Variants in RRP12 observed in about 807,000 individuals in gnomAD.
RRP12 encodes RRP12-like protein.
Under a neutral mutation model 157.3 loss-of-function variants are expected in RRP12, and 78 were observed. That is an observed-to-expected ratio of 0.50 (90% CI 0.41 to 0.60). The LOEUF (loss-of-function observed/expected upper bound fraction) is 0.60, where lower values mean the gene tolerates loss of function less well. Ranked by LOEUF, RRP12 falls within the 20% of genes least tolerant of loss-of-function variation. RRP12 has a pLI of 0.00. For synonymous variants in RRP12, 726 were observed against 670.9 expected, an observed-to-expected ratio of 1.08 and a Z score of -1.27; for missense variants, 1,521 against 1,679.9, an observed-to-expected ratio of 0.91 and a Z score of 1.65.
chr10:97,379,863 G>T, intron 13 of RRP12, 93 bp from the exon 14 acceptor site: 1 of 1,329,994 alleles, frequency 7.5e-7, no homozygotes, highest in Non-Finnish European at 1.0e-6. Flanking sequence ...GGAATTCTGG[G>T]CCTGGGTTCA....
chr10:97,377,675 T>C (rs1251510257), intron 15 of RRP12, among the ~76,000 whole-genome samples: 1 of 151,730 alleles, frequency 6.6e-6, no homozygotes, highest in African/African-American at 2.4e-5. Flanking sequence ...TGAAACCCCA[T>C]CTATACTAAA....
chr10:97,377,433 G>C (rs1844340109), intron 15 of RRP12, among the ~76,000 whole-genome samples: 1 of 152,158 alleles, frequency 6.6e-6, no homozygotes, highest in Admixed American at 6.5e-5. Context: ...GGAGGCTAAG[G>C]CAGGAGAATC....
Position 97,366,164 on chromosome 10 carries a change from A to G in RRP12, c.3461T>C (p.Leu1154Pro), listed in dbSNP as rs1564749573. 1 of 1,609,072 alleles carries G rather than the reference A, an allele frequency of 6.2e-7. No individual in the cohort carries two copies. The highest frequency in any genetic ancestry group is 1.3e-5 in the African/African-American group (1 of 74,660). ...HGFKVSADGR[L>P]IIREEADGNK... ...GCCGTCTGCCTCCTCCCTTATGATC[A>G]GCCGGCCATCGGCGCTCACCTTGAA... is the stretch of plus-strand genomic sequence containing the variant. The change falls in exon 29 of 34, where the codon CTG (leucine) becomes CCG (proline). Residue 1154 changes from leucine (L) to proline (P), a missense_variant. Leu to Pro is a moderately conservative substitution (Grantham distance 98). Coordinates refer to ENST00000370992, the MANE Select transcript of RRP12 (RefSeq NM_015179.4).
chr10:97,389,201 C>T (rs1177178396), intron 6 of RRP12, among the ~76,000 whole-genome samples: 1 of 152,148 alleles, frequency 6.6e-6, no homozygotes, highest in Non-Finnish European at 1.5e-5. Flanking sequence ...TCACGCCATT[C>T]TCCTGCCTCC....
In RRP12 at chr10:97,357,109, C is replaced by T; in HGVS notation, c.3879G>A (p.Lys1293=). The T allele has an allele frequency of 6.2e-7, 1 of 1,612,380 alleles. No homozygotes were observed. Among genetic ancestry groups the T allele is most frequent in the Non-Finnish European group, 8.5e-7 (1 of 1,178,556 alleles). ...GSQVGHKNRR[K]DRRP is the part of the protein sequence containing the mutation. The stretch of plus-strand genomic sequence containing the variant: ...GCCCTGGGCCTCAGGGTCGACGATC[C>T]TTTCTGCGGTTTTTGTGTCCCACCT... The change falls in exon 34 of 34, where the codon AAG becomes AAA. Residue 1293 remains lysine (K), a synonymous_variant. Transcript: ENST00000370992.
intron 31 of RRP12, among the ~76,000 whole-genome samples, chr10:97,359,324 T>TCAGC (rs751709532): frequency 2.6e-5 from 4 of 152,168 alleles, no homozygotes; most frequent in East Asian, 1.9e-4. Context: ...CAGACAGAAT[T>TCAGC]CAGCCAGCCA....
rs1844205129 is a variant in RRP12 at position 97,373,106 on chromosome 10, T to C, written c.2121A>G (p.Pro707=). 18 of 1,614,120 alleles carry C rather than the reference T, an allele frequency of 1.1e-5. No homozygotes were observed. The highest frequency in any genetic ancestry group is 1.4e-5 in the Non-Finnish European group (17 of 1,179,990). The change falls in exon 18 of 34, where the codon CCA becomes CCG. Residue 707 remains proline, a synonymous_variant. Coordinates refer to ENST00000370992, the MANE Select transcript of RRP12 (RefSeq NM_015179.4). The part of the protein sequence containing the change: ...YGQPVAAGDT[P]APRRAVLETI... ...TTTCCAGCACAGCCCGGCGAGGGGC[T>C]GGAGTGTCCCCGGCTGCCACGGGCT...
At chr10:97,365,782 AGAGGAAGGAAG>A in intron 29 of RRP12, 1 of 246,992 alleles carries the variant, frequency 4.0e-6, no homozygotes, top group Non-Finnish European at 7.8e-6. Flanking sequence ...AAAAAAAAAA[AGAGGAAGGAAG>A]AAAAGGAGAA....
intron 15 of RRP12, 62 bp from the exon 16 acceptor site, chr10:97,373,956 A>G (rs1844233757): frequency 7.1e-7 from 1 of 1,400,436 alleles, no homozygotes; most frequent in Admixed American, 1.9e-5. Flanking sequence ...AGCCTTATTT[A>G]CCAAACCAAA....
At chr10:97,393,199 C>A in intron 4 of RRP12, 1 of 432,198 alleles carries the variant, frequency 2.3e-6, no homozygotes, top group South Asian at 1.6e-5. Context: ...TTCAATAGAG[C>A]TTTCTGACTC....
At position 97,370,857 on chromosome 10, in the gene RRP12, ACAG is replaced by A. The variant is rs1844128641; in HGVS notation, c.2502+63_2503-62del. ...TGCTACCTCCACCCAACAAGCCTCA[ACAG>A]TGGCTCCTTTCCTGGTGTTGCCCAG... On this transcript the variant is annotated intron_variant, in intron 21 of 33. Transcript: ENST00000370992. The A allele has an allele frequency of 6.8e-6, 11 of 1,610,090 alleles. No individual in the cohort carries two copies. In the South Asian group the frequency reaches 1.2e-4, roughly 18 times the overall value.
intron 30 of RRP12, among the ~76,000 whole-genome samples, chr10:97,363,390 A>G (rs1589410825): frequency 6.6e-6 from 1 of 152,318 alleles, no homozygotes; most frequent in Non-Finnish European, 1.5e-5. Flanking sequence ...CTGGAAAACC[A>G]GGGTTCAAAT....
intron 10 of RRP12, among the ~76,000 whole-genome samples, chr10:97,382,170 C>G (rs1564761789): frequency 6.8e-6 from 1 of 146,936 alleles, no homozygotes; most frequent in Non-Finnish European, 1.5e-5. Flanking sequence ...AACATGAAAA[C>G]AGTAACTTCT....
chr10:97,388,382 G>A lies in RRP12; in HGVS notation c.890-3C>T, dbSNP rs750212848. 7.4e-6 allele frequency: 12 copies of A among 1,613,776 alleles called. No homozygotes were observed. In the South Asian group the frequency reaches 1.1e-4, roughly 15 times the overall value. On this transcript the variant is annotated splice_region_variant and splice_polypyrimidine_tract_variant and intron_variant, in intron 7 of 33. Coordinates refer to ENST00000370992, the MANE Select transcript of RRP12 (RefSeq NM_015179.4). The stretch of plus-strand genomic sequence containing the variant: ...CGTGGTGGTGGCCTCCTTGGAGCCT[G>A]GTATACAGAAGAGGAATTGAGACAC...
intron 20 of RRP12, 195 bp from the exon 21 acceptor site, chr10:97,371,276 G>C: frequency 3.2e-6 from 2 of 624,842 alleles, no homozygotes; most frequent in Non-Finnish European, 5.6e-6. Context: ...GGTGTGTGCC[G>C]TGGGGCCCAC....
intron 18 of RRP12, 31 bp downstream of exon 18, chr10:97,373,015 C>T: frequency 6.3e-7 from 1 of 1,586,998 alleles, no homozygotes; most frequent in Non-Finnish European, 8.6e-7. Flanking sequence ...GAGCTCCCCT[C>T]CTCCCTCCTT....
chr10:97,390,469 T>G lies in RRP12; in HGVS notation c.707A>C (p.Gln236Pro). The part of the protein sequence containing the change: ...LEAWGYPVTL[Q>P]VYHGLLSFTV... Reference sequence around the variant, plus strand: ...GAAGCTCAGCAGCCCATGGTACACCTGAAGGGTCACGGGGTAGCCCCAGGC... The same window carrying G: ...GAAGCTCAGCAGCCCATGGTACACCGGAAGGGTCACGGGGTAGCCCCAGGC... The change falls in exon 6 of 34, where the codon CAG becomes CCG. Residue 236 changes from glutamine to proline, a missense_variant. Physicochemically the swap from Gln to Pro is moderately conservative, Grantham distance 76. Coordinates refer to ENST00000370992, the MANE Select transcript of RRP12 (RefSeq NM_015179.4). The G allele has an allele frequency of 6.2e-7, 1 of 1,614,144 alleles. No homozygotes were observed. Among genetic ancestry groups the G allele is most frequent in the Non-Finnish European group, 8.5e-7 (1 of 1,180,018 alleles).
chr10:97,398,037 G>GTTTTT (rs1845029830), intron 2 of RRP12, among the ~76,000 whole-genome samples: 5 of 36,584 alleles, frequency 1.4e-4, no homozygotes, highest in East Asian at 7.5e-4. Context: ...ATATATATAC[G>GTTTTT]TATTTTTTTT....
chr10:97,373,334 G>C, intron 17 of RRP12, 134 bp from the exon 18 acceptor site: 1 of 1,070,008 alleles, frequency 9.3e-7, no homozygotes, highest in East Asian at 2.6e-5. Context: ...GGGGCTCTCT[G>C]TGGCAGAAGC....
Sources: gnomAD v4.1 joint callset for allele counts (sites outside exome capture counted in the v4.1 genomes callset) on GRCh38, gnomAD v4.1.1 for gene constraint, MANE v1.5 for transcripts, NCBI Gene and HGNC (gene_info 2026-07-23, HGNC 2026-07-21) for gene names.